The following MCF2L variants were observed in gnomAD, a reference collection of about 807,000 sequenced individuals.
The protein encoded by MCF2L is guanine nucleotide exchange factor DBS.
A neutral mutation model predicts 153.4 loss-of-function variants in MCF2L; 97 were observed. The ratio of observed to expected loss-of-function variants is 0.63; its 90% confidence interval spans 0.54 to 0.75. The LOEUF is 0.75. Among genes scored for constraint, MCF2L ranks in the 30% least tolerant of loss-of-function variants. MCF2L has a pLI of 0.00. For synonymous variants in MCF2L, 659 were observed against 632.2 expected, an observed-to-expected ratio of 1.04 and a Z score of -0.64; for missense variants, 1,347 against 1,495.2, an observed-to-expected ratio of 0.90 and a Z score of 1.64.
intron 11 of MCF2L, 28 bp downstream of exon 11, chr13:113,075,217 C>T (rs768085542): frequency 1.6e-5 from 24 of 1,545,846 alleles, no homozygotes; most frequent in Non-Finnish European, 2.0e-5. Flanking sequence ...CCACCCCACT[C>T]CCCCCCAGCT....
At chr13:113,085,601 G>A (rs1374856255) in intron 20 of MCF2L, among the ~76,000 whole-genome samples, 6 of 152,112 alleles carry the variant, frequency 3.9e-5, no homozygotes, top group Non-Finnish European at 1.5e-5. Context: ...GGGTTAGGGT[G>A]GCGAGAGGAA....
intron 1 of MCF2L, among the ~76,000 whole-genome samples, chr13:112,981,700 G>T (rs1395432757): frequency 6.6e-6 from 1 of 152,224 alleles, no homozygotes; most frequent in Non-Finnish European, 1.5e-5. Flanking sequence ...ACAGGCAGGG[G>T]GACGCATAGC....
In MCF2L at chr13:113,045,290, G is replaced by C; in HGVS notation, c.298G>C (p.Gly100Arg). 6.2e-7 allele frequency: 1 copy of C among 1,614,006 alleles called. No homozygotes were observed. Among genetic ancestry groups the C allele is most frequent in the Non-Finnish European group, 8.5e-7 (1 of 1,179,990 alleles). The change falls in exon 4 of 30, where the codon GGA becomes CGA. Residue 100 changes from glycine (G) to arginine (R), a missense_variant. Around this residue, in one of 3 missense-constraint regions of MCF2L, gnomAD observed 820 missense variants for 921.2 expected, o/e 0.89. Coordinates refer to ENST00000535094, the MANE Select transcript of MCF2L (RefSeq NM_001112732.3). The surrounding 1 kb of genome is among the most constrained non-coding windows in gnomAD (Gnocchi z 4.2). The stretch of plus-strand genomic sequence containing the variant: ...CTGCAGCCTGCAGGACGCTGGCATC[G>C]GATTCATCCTGGTGATAGACCGGCG... Reference protein sequence around the residue: ...SIPSLQDAGIGFILVIDRRRD... With the variant: ...SIPSLQDAGIRFILVIDRRRD...
intron 1 of MCF2L, among the ~76,000 whole-genome samples, chr13:113,012,158 G>A (rs1413164100): frequency 8.2e-5 from 8 of 98,058 alleles, no homozygotes; most frequent in African/African-American, 1.8e-4. Context: ...TGGACACTGT[G>A]ATGCGGACGG....
intron 2 of MCF2L, among the ~76,000 whole-genome samples, chr13:113,020,788 ATGTGTAGATGTG>A (rs1009273949): frequency 2.7e-4 from 28 of 104,560 alleles, no homozygotes; most frequent in African/African-American, 9.0e-4. Context: ...AGCTGTGTGT[ATGTGTAGATGTG>A]TGTATGTATA....
chr13:112,927,833 G>A (rs906379409), intron 2 of MCF2L, among the ~76,000 whole-genome samples: 28 of 152,054 alleles, frequency 1.8e-4, no homozygotes, highest in African/African-American at 6.8e-4. Flanking sequence ...CAAATGACCT[G>A]GTTTCTCCAA....
intron 1 of MCF2L, among the ~76,000 whole-genome samples, chr13:112,990,544 G>A (rs902523831): frequency 1.4e-4 from 22 of 152,188 alleles, no homozygotes; most frequent in African/African-American, 5.3e-4. Flanking sequence ...CACATGGAGG[G>A]GTCTGCTCTT....
intron 2 of MCF2L, among the ~76,000 whole-genome samples, chr13:112,939,254 G>T (rs1485718948): frequency 1.3e-5 from 2 of 152,178 alleles, no homozygotes; most frequent in Admixed American, 6.5e-5. Flanking sequence ...CCTCCGGCAG[G>T]TTTCTCAGCC....
At chr13:113,024,020 G>A (rs139091710) in intron 2 of MCF2L, among the ~76,000 whole-genome samples, 193 of 152,352 alleles carry the variant, frequency 1.3e-3, no homozygotes, top group African/African-American at 4.4e-3. Flanking sequence ...CTCGGGGGAG[G>A]GAAATGGACT....
chr13:112,915,702 TG>T (rs2081284565), intron 2 of MCF2L, among the ~76,000 whole-genome samples: 1 of 152,122 alleles, frequency 6.6e-6, no homozygotes, highest in Admixed American at 6.6e-5. Flanking sequence ...CAGATAATCA[TG>T]GTTTTCTTTC....
At chr13:112,953,665 G>A (rs2081721981) in intron 2 of MCF2L, among the ~76,000 whole-genome samples, 1 of 152,246 alleles carries the variant, frequency 6.6e-6, no homozygotes, top group Non-Finnish European at 1.5e-5. Flanking sequence ...CTCAGTCTAT[G>A]TTTTGTCTGC....
rs576090570 is a variant in MCF2L, at chr13:113,046,329, C to A, written c.369+968C>A. ...GGCACCTGCATGTTCTCACGCCCGC[C>A]ACAGCCCGTCCCTCCCAGGCTCTGG... On this transcript the variant is annotated intron_variant, in intron 4 of 29. Transcript: ENST00000535094. The surrounding 1 kb of genome is among the most constrained non-coding windows in gnomAD (Gnocchi z 4.4). The A allele has an allele frequency of 3.2e-6, 1 of 312,528 alleles. No homozygotes were observed. The highest frequency in any genetic ancestry group is 2.2e-5 in the African/African-American group (1 of 45,106). The allele number at this position is 312,528 out of a possible 1,614,324, so 19.4% of individuals were successfully genotyped here. A position where few individuals can be genotyped will look rare whatever the true frequency, so the allele number is the denominator to read the frequency against.
At chr13:112,900,021 C>T (rs369066169) in intron 1 of MCF2L, among the ~76,000 whole-genome samples, 176 of 152,192 alleles carry the variant, frequency 1.2e-3, no homozygotes, top group Admixed American at 4.1e-3. Flanking sequence ...AGCTTGGGGA[C>T]GCGATTGCAG....
In MCF2L at chr13:113,096,963, C is replaced by T; in HGVS notation, c.*104C>T. 2.7e-6 allele frequency: 2 copies of T among 739,128 alleles called. No individual in the cohort carries two copies. Among genetic ancestry groups the T allele is most frequent in the Non-Finnish European group, 3.8e-6 (2 of 525,668 alleles). 45.8% of individuals were successfully genotyped at this position (739,128 alleles called of 1,614,324 possible). On this transcript the variant is annotated 3_prime_UTR_variant, in exon 30 of 30. Transcript: ENST00000535094. ...AGGAAGGGGCACCTCACCGCCCCCA[C>T]CCAGAGCGCCTGGCCGTGCGGGCTG...
chr13:113,044,326 T>G, intron 3 of MCF2L: 1 of 322,254 alleles, frequency 3.1e-6, no homozygotes, highest in Non-Finnish European at 6.1e-6. Context: ...GTCTTGGGAG[T>G]TGCTGTTTCT....
At chr13:112,902,503 G>A (rs2081129840) in intron 2 of MCF2L, 5 of 961,828 alleles carry the variant, frequency 5.2e-6, no homozygotes, top group Non-Finnish European at 5.9e-6. Context: ...TGACCCCCCA[G>A]GTAGCAGGCT....
intron 2 of MCF2L, among the ~76,000 whole-genome samples, chr13:112,934,596 CTTTG>C (rs2081496761): frequency 2.4e-5 from 1 of 41,296 alleles, no homozygotes; most frequent in African/African-American, 9.1e-5. Context: ...GGAGACCCCA[CTTTG>C]AGAACCACTG....
rs187417596 is a variant in MCF2L at position 113,095,406 on chromosome 13, G to A, written c.3075+771G>A. 2,225 of 1,098,174 alleles carry A rather than the reference G, an allele frequency of 2.0e-3. 2 individuals carry two copies. The highest frequency in any genetic ancestry group is 2.3e-3 in the Non-Finnish European group (2,103 of 898,838). 68.0% of individuals were successfully genotyped at this position (1,098,174 alleles called of 1,614,324 possible). On this transcript the variant is annotated intron_variant, in intron 27 of 29. Coordinates refer to ENST00000535094, the MANE Select transcript of MCF2L (RefSeq NM_001112732.3). ...AAGGCCTGGGCGTGAGAACAGATGT[G>A]GGGGACACAGAGGCGGAGGCCACGT...
chr13:112,932,024 T>C lies in MCF2L; in HGVS notation c.169+29653T>C, dbSNP rs11842197. On this transcript the variant is annotated intron_variant, in intron 2 of 29. Transcript: ENST00000375608. The surrounding 1 kb of genome is among the most constrained non-coding windows in gnomAD (Gnocchi z 4.6). The stretch of plus-strand genomic sequence containing the variant: ...TCCCTTGCAGAAGAATTCCCCATCC[T>C]TCATGTAGATGAGTTGTTGTCACGA... 0.044 allele frequency among the ~76,000 whole-genome samples: 6,770 copies of C among 152,300 alleles called. 493 individuals carry two copies. Among genetic ancestry groups the C allele is most frequent in the African/African-American group, 0.15 (6,391 of 41,538 alleles).
Sources: gnomAD v4.1 joint callset for allele counts (sites outside exome capture counted in the v4.1 genomes callset) on GRCh38, gnomAD v4.1.1 for gene constraint, gnomAD v4.1.1 regional missense constraint, Gnocchi (gnomAD v3.1) non-coding constraint, MANE v1.5 for transcripts, NCBI Gene and HGNC (gene_info 2026-07-23, HGNC 2026-07-21) for gene names.